The following DOCK2 variants were observed in gnomAD, a reference collection of about 807,000 sequenced individuals.
The protein encoded by DOCK2 is dedicator of cytokinesis 2.
A neutral mutation model predicts 248.9 loss-of-function variants in DOCK2; 87 were observed. The observed-to-expected ratio is 0.35, with a 90% CI of 0.29 to 0.42. The LOEUF (loss-of-function observed/expected upper bound fraction) is 0.42. DOCK2 is among the 10% of genes least tolerant of loss of function. DOCK2 has a pLI of 1.00. For missense variants in DOCK2, 1,747 were observed against 2,300.2 expected, an observed-to-expected ratio of 0.76 and a Z score of 4.92; for synonymous variants, 805 against 821.6, an observed-to-expected ratio of 0.98 and a Z score of 0.35.
chr5:169,825,802 A>C (rs1440871923), intron 26 of DOCK2, among the ~76,000 whole-genome samples: 1 of 149,654 alleles, frequency 6.7e-6, no homozygotes, highest in Non-Finnish European at 1.5e-5. Flanking sequence ...TATAAAGAAA[A>C]TATTGAAACG....
chr5:169,798,055 T>A (rs1259645625), intron 25 of DOCK2, among the ~76,000 whole-genome samples: 1 of 152,230 alleles, frequency 6.6e-6, no homozygotes, highest in Non-Finnish European at 1.5e-5. Flanking sequence ...CTTATGGGGA[T>A]GCTGGTTTTG....
chr5:170,057,672 T>A lies in DOCK2; in HGVS notation c.4467+6T>A. ...AGGTGGTGCACATGTCGCAGGTGAG[T>A]CTGGGACATTCGTGGCAGGGCCACC... On this transcript the variant is annotated splice_donor_region_variant and intron_variant, in intron 44 of 51. Coordinates refer to ENST00000520908, the MANE Select transcript of DOCK2 (RefSeq NM_004946.3). 1 of 1,596,734 alleles carries A rather than the reference T, an allele frequency of 6.3e-7. No homozygotes were observed. Among genetic ancestry groups the A allele is most frequent in the Non-Finnish European group, 8.6e-7 (1 of 1,169,514 alleles).
chr5:169,987,999 G>A (rs547351971), intron 29 of DOCK2, among the ~76,000 whole-genome samples: 10 of 152,226 alleles, frequency 6.6e-5, no homozygotes, highest in South Asian at 4.2e-4. Context: ...TTGTGTGTAC[G>A]AGGATAGAAT....
chr5:169,703,919 C>T (rs1447770523), intron 14 of DOCK2: 1 of 152,222 alleles, frequency 6.6e-6, no homozygotes, highest in African/African-American at 2.4e-5. Context: ...CATTGATACG[C>T]TTACCTTCCA....
chr5:169,853,201 G>C (rs1235677096), intron 27 of DOCK2, among the ~76,000 whole-genome samples: 1 of 152,204 alleles, frequency 6.6e-6, no homozygotes, highest in Non-Finnish European at 1.5e-5. Flanking sequence ...GGACTCCCCA[G>C]CCAAGTGGAA....
At chr5:169,922,727 T>C (rs1219546401) in intron 27 of DOCK2, among the ~76,000 whole-genome samples, 3 of 152,178 alleles carry the variant, frequency 2.0e-5, no homozygotes, top group African/African-American at 7.2e-5. Context: ...CCTAACCCCT[T>C]GTATCTCCCT....
chr5:169,719,397 A>G (rs1254031036), intron 22 of DOCK2, among the ~76,000 whole-genome samples: 2 of 152,236 alleles, frequency 1.3e-5, no homozygotes, highest in Non-Finnish European at 2.9e-5. Flanking sequence ...AAAGTTAGGT[A>G]GAGGATTGTT....
At position 169,840,585 on chromosome 5, in the gene DOCK2, CGATGAT is replaced by C. The variant is rs10684419; in HGVS notation, c.2704-137_2704-132del. Among the ~76,000 whole-genome samples the C allele has an allele frequency of 3.2e-3, 467 of 148,200 alleles. 1 individual carries two copies. Among genetic ancestry groups the C allele is most frequent in the African/African-American group, 0.011 (428 of 39,736 alleles). ...GGTGGTAATGACGATGGAGATATGG[CGATGAT>C]GATGATGATGATGATGATGATGATG... On this transcript the variant is annotated intron_variant, in intron 26 of 51. Coordinates refer to ENST00000520908, the MANE Select transcript of DOCK2 (RefSeq NM_004946.3).
chr5:169,757,259 A>G (rs1764244218), intron 23 of DOCK2, among the ~76,000 whole-genome samples: 1 of 152,046 alleles, frequency 6.6e-6, no homozygotes, highest in Admixed American at 6.6e-5. Flanking sequence ...TTCCTGATAA[A>G]GATGGTCCTT....
intron 27 of DOCK2, among the ~76,000 whole-genome samples, chr5:169,912,487 T>G (rs981561289): frequency 2.6e-5 from 4 of 152,146 alleles, no homozygotes; most frequent in Non-Finnish European, 1.5e-5. Flanking sequence ...ACATATGTGT[T>G]TTCTTAGGGT....
intron 26 of DOCK2, among the ~76,000 whole-genome samples, chr5:169,808,446 T>C (rs1363965225): frequency 6.6e-6 from 1 of 152,176 alleles, no homozygotes; most frequent in Non-Finnish European, 1.5e-5. Flanking sequence ...GGGAGATGTC[T>C]GCCTTAGCCT....
intron 27 of DOCK2, among the ~76,000 whole-genome samples, chr5:169,843,629 TTA>T (rs1770126224): frequency 6.6e-6 from 1 of 152,232 alleles, no homozygotes; most frequent in South Asian, 2.1e-4. Context: ...TTTAGAAAAT[TTA>T]TAGTTATGCA....
chr5:169,844,407 A>G (rs998813066), intron 27 of DOCK2, among the ~76,000 whole-genome samples: 1 of 152,132 alleles, frequency 6.6e-6, no homozygotes, highest in African/African-American at 2.4e-5. Context: ...TCCTTGGTAG[A>G]TTCTCAGCTA....
intron 30 of DOCK2, among the ~76,000 whole-genome samples, chr5:169,996,996 C>T (rs1258280471): frequency 6.6e-6 from 1 of 152,040 alleles, no homozygotes; most frequent in Non-Finnish European, 1.5e-5. Context: ...CCCGGGGAAC[C>T]AGTGTTCAGC....
At chr5:170,026,453 G>T (rs1421934951) in intron 33 of DOCK2, among the ~76,000 whole-genome samples, 2 of 152,058 alleles carry the variant, frequency 1.3e-5, no homozygotes, top group Non-Finnish European at 2.9e-5. Context: ...ATGAAGACCG[G>T]GTGTAAAGAG....
intron 25 of DOCK2, among the ~76,000 whole-genome samples, chr5:169,778,314 A>G (rs966340337): frequency 6.6e-6 from 1 of 152,240 alleles, no homozygotes; most frequent in African/African-American, 2.4e-5. Flanking sequence ...ATAGGCTCCT[A>G]ACACCCATAC....
chr5:169,649,411 G>C (rs1254786539), intron 1 of DOCK2, among the ~76,000 whole-genome samples: 2 of 152,176 alleles, frequency 1.3e-5, no homozygotes, highest in African/African-American at 4.8e-5. Flanking sequence ...CCAGAAGAAG[G>C]GACATAGCTG....
chr5:169,755,221 G>A (rs1764130767), intron 23 of DOCK2, among the ~76,000 whole-genome samples: 1 of 151,928 alleles, frequency 6.6e-6, no homozygotes, highest in African/African-American at 2.4e-5. Flanking sequence ...TGGGATTATA[G>A]GCATGGGCAA....
chr5:169,886,825 CT>C (rs1335291015), intron 27 of DOCK2, among the ~76,000 whole-genome samples: 22 of 152,140 alleles, frequency 1.4e-4, no homozygotes, highest in African/African-American at 5.1e-4. Flanking sequence ...GCACTTCATT[CT>C]GGGAACGATA....
Sources: gnomAD v4.1 joint callset for allele counts (sites outside exome capture counted in the v4.1 genomes callset) on GRCh38, gnomAD v4.1.1 for gene constraint, MANE v1.5 for transcripts, NCBI Gene and HGNC (gene_info 2026-07-23, HGNC 2026-07-21) for gene names.